The following RGPD3 variants were observed in gnomAD, a reference collection of about 807,000 sequenced individuals.
RGPD3 encodes the protein RANBP2 like and GRIP domain containing 3, also known as ranBP2-like and GRIP domain-containing protein 3.
A neutral mutation model predicts 154.5 loss-of-function variants in RGPD3; 62 were observed. The ratio of observed to expected loss-of-function variants is 0.40; its 90% CI spans 0.33 to 0.50. The LOEUF (loss-of-function observed/expected upper bound fraction) is 0.50. Ranked by LOEUF, RGPD3 falls within the 20% of genes least tolerant of loss-of-function variation. The pLI is 0.59. For synonymous variants in RGPD3, 308 were observed against 607.0 expected, an observed-to-expected ratio of 0.51 and a Z score of 7.24; for missense variants, 919 against 1,716.8, an observed-to-expected ratio of 0.54 and a Z score of 8.21.
At position 106,405,168 on chromosome 2, in the gene RGPD3, T is replaced by C; in HGVS notation, c.*51A>G. The C allele has an allele frequency of 2.5e-6, 4 of 1,607,372 alleles. No individual in the cohort carries two copies. The highest frequency in any genetic ancestry group is 2.2e-5 in the East Asian group (1 of 44,768). On this transcript the variant is annotated 3_prime_UTR_variant, in exon 23 of 23. Coordinates refer to ENST00000409886, the MANE Select transcript of RGPD3 (RefSeq NM_001144013.2). ...CATTCCTTCCATCAACCTATCGAAGTCCAAACCAACTACGAAGATAGGATG... is the reference window on the plus strand; with the variant it reads ...CATTCCTTCCATCAACCTATCGAAGCCCAAACCAACTACGAAGATAGGATG...
upstream of RGPD3, among the ~76,000 whole-genome samples, chr2:106,469,309 T>G (rs1399486182): frequency 6.7e-6 from 1 of 148,922 alleles, no homozygotes; most frequent in Non-Finnish European, 1.5e-5. Context: ...CTTACACCTA[T>G]CAAAAAGGCA....
intron 1 of RGPD3, among the ~76,000 whole-genome samples, chr2:106,467,758 G>C (rs560580918): frequency 9.5e-4 from 135 of 141,428 alleles, no homozygotes; most frequent in Admixed American, 4.1e-3. Flanking sequence ...AGCGCCCGTC[G>C]GGAGCCATGA....
chr2:106,461,944 T>TG (rs1678418525), intron 1 of RGPD3, among the ~76,000 whole-genome samples: 1 of 152,024 alleles, frequency 6.6e-6, no homozygotes, highest in African/African-American at 2.4e-5. Flanking sequence ...GATGGAGTCT[T>TG]GCTCTGTCAC....
At chr2:106,414,045 G>C (rs1558834045) in intron 21 of RGPD3, among the ~76,000 whole-genome samples, 1 of 152,066 alleles carries the variant, frequency 6.6e-6, no homozygotes, top group Non-Finnish European at 1.5e-5. Flanking sequence ...GACGTCCACA[G>C]TGAACGGCAC....
Position 106,468,324 on chromosome 2 carries a change from C to T in RGPD3, c.-36G>A, listed in dbSNP as rs1379992057. ...ACCTGGCTCCCGAGATGCGTGAGAC[C>T]AGCGCTCAGCCCCGCAGCAGTCGCC... On this transcript the variant is annotated 5_prime_UTR_variant, in exon 1 of 23. Coordinates refer to ENST00000409886, the MANE Select transcript of RGPD3 (RefSeq NM_001144013.2). The T allele has an allele frequency of 6.3e-7, 1 of 1,584,256 alleles. No individual in the cohort carries two copies.
At chr2:106,464,120 C>T (rs1188785329) in intron 1 of RGPD3, among the ~76,000 whole-genome samples, 7 of 152,056 alleles carry the variant, frequency 4.6e-5, no homozygotes, top group South Asian at 2.1e-4. Context: ...CTGAGGCAGG[C>T]GGATCATGAG....
intron 2 of RGPD3, among the ~76,000 whole-genome samples, 156 bp from the exon 3 acceptor site, chr2:106,457,834 TAGAAAGAA>T: frequency 5.2e-5 from 2 of 38,266 alleles, no homozygotes; most frequent in Admixed American, 7.6e-4. Context: ...AAAGTATTCA[TAGAAAGAA>T]ATGGGTAATA....
chr2:106,413,045 G>C, intron 22 of RGPD3, 39 bp downstream of exon 22: 2 of 1,609,012 alleles, frequency 1.2e-6, no homozygotes, highest in Non-Finnish European at 1.7e-6. Context: ...TTTAGTTTAA[G>C]TTAGAAGTCA....
chr2:106,408,612 G>A (rs9753077), intron 22 of RGPD3, among the ~76,000 whole-genome samples: 1 of 120,526 alleles, frequency 8.3e-6, no homozygotes, highest in Non-Finnish European at 1.8e-5. Flanking sequence ...CTTATCCTTA[G>A]TAGATTCAAC....
rs955280300 is a variant in RGPD3 at position 106,414,721 on chromosome 2, G to C, written c.5064+1129C>G. On this transcript the variant is annotated intron_variant, in intron 21 of 22. Coordinates refer to ENST00000409886, the MANE Select transcript of RGPD3 (RefSeq NM_001144013.2). Reference sequence around the variant, plus strand: ...ATAATGTTTTTATTAGTGGGAAAATGTTATTTTATAGAGATGCATACTGAA... The same window carrying C: ...ATAATGTTTTTATTAGTGGGAAAATCTTATTTTATAGAGATGCATACTGAA... Among the ~76,000 whole-genome samples, 67 of 151,046 alleles carry C rather than the reference G, an allele frequency of 4.4e-4. 1 individual carries two copies. The highest frequency in any genetic ancestry group is 1.9e-4 in the Non-Finnish European group (13 of 67,852).
chr2:106,428,730 TC>T (rs1413388300), intron 18 of RGPD3, among the ~76,000 whole-genome samples: 1 of 151,400 alleles, frequency 6.6e-6, no homozygotes, highest in Non-Finnish European at 1.5e-5. Flanking sequence ...ATTTCAGAAG[TC>T]TGTCGTACAT....
intron 21 of RGPD3, among the ~76,000 whole-genome samples, chr2:106,415,383 AAAG>A (rs918419825): frequency 6.6e-6 from 1 of 152,168 alleles, no homozygotes; most frequent in African/African-American, 2.4e-5. Flanking sequence ...AATAGGTATA[AAAG>A]AAGTATTTTG....
At chr2:106,426,173 A>C (rs1677190873) in intron 18 of RGPD3, 85 bp from the exon 19 acceptor site, 1 of 1,511,214 alleles carries the variant, frequency 6.6e-7, no homozygotes, top group African/African-American at 1.4e-5. Context: ...ACAAATACAA[A>C]AGCAATAGAA....
intron 1 of RGPD3, among the ~76,000 whole-genome samples, 176 bp downstream of exon 1, chr2:106,468,041 C>T (rs1678691322): frequency 6.8e-6 from 1 of 146,384 alleles, no homozygotes; most frequent in South Asian, 2.1e-4. Flanking sequence ...AGCCATGACG[C>T]CTGAGCCATC....
At chr2:106,444,820 T>C (rs1296203363) in intron 7 of RGPD3, among the ~76,000 whole-genome samples, 12 of 147,890 alleles carry the variant, frequency 8.1e-5, no homozygotes, top group Non-Finnish European at 1.5e-4. Flanking sequence ...CTCCCAAAAC[T>C]ACATATCAAA....
At position 106,423,846 on chromosome 2, in the gene RGPD3, C is replaced by A; in HGVS notation, c.4121G>T (p.Trp1374Leu). The change falls in exon 20 of 23, where the codon TGG becomes TTG. Residue 1374 changes from tryptophan to leucine, a missense_variant. By Grantham distance (61) the Trp-to-Leu change is moderately conservative (BLOSUM62 -2). Coordinates refer to ENST00000409886, the MANE Select transcript of RGPD3 (RefSeq NM_001144013.2). ...FYRYDKDVGQ[W>L]KERGIGDIKI... is the part of the protein sequence containing the mutation. ...TATATCACCAATGCCCCTTTCTTTC[C>A]ATTGACCAACATCTTTATCATATCT... The A allele has an allele frequency of 1.2e-6, 2 of 1,611,936 alleles. No individual in the cohort carries two copies.
At chr2:106,426,240 A>G (rs1677192615) in intron 18 of RGPD3, among the ~76,000 whole-genome samples, 152 bp from the exon 19 acceptor site, 2 of 150,112 alleles carry the variant, frequency 1.3e-5, no homozygotes, top group African/African-American at 4.9e-5. Flanking sequence ...AAATACACCA[A>G]TCAAGATTAT....
In RGPD3 at chr2:106,425,184, G is replaced by A. The variant is rs3207980; in HGVS notation, c.2783C>T (p.Ser928Leu). 2.6e-4 allele frequency: 425 copies of A among 1,611,574 alleles called. No individual in the cohort carries two copies. The highest frequency in any genetic ancestry group is 1.8e-3 in the African/African-American group (136 of 74,852). Residue 928 changes from serine (S) to leucine (L), a missense_variant, in exon 20 of 23, where the codon TCG (serine) becomes TTG (leucine). By Grantham distance (145) the Ser-to-Leu change is moderately radical. Coordinates refer to ENST00000409886, the MANE Select transcript of RGPD3 (RefSeq NM_001144013.2). ...VSADGFKFGI[S>L]EPGNQEKKSE... ...TTTCTTTTCTTGATTTCCTGGTTCC[G>A]AAATGCCAAATTTAAATCCATCAGC...
chr2:106,415,660 A>C (rs1302702597), intron 21 of RGPD3, among the ~76,000 whole-genome samples, 190 bp downstream of exon 21: 1 of 122,880 alleles, frequency 8.1e-6, no homozygotes, highest in Admixed American at 8.2e-5. Context: ...CTGCGTGACA[A>C]AGCAAGACTG....
Sources: allele counts gnomAD v4.1 joint callset (sites outside exome capture counted in the v4.1 genomes callset), GRCh38; gene constraint gnomAD v4.1.1; transcripts MANE v1.5; gene names NCBI Gene and HGNC (gene_info 2026-07-23, HGNC 2026-07-21).